BBX: variants seen among roughly 807,000 people sequenced by gnomAD.
The protein encoded by BBX is HMG box transcription factor BBX.
In BBX, 30 loss-of-function variants were observed where a neutral mutation model predicts 100.2. That is an observed-to-expected ratio of 0.30 (90% CI 0.22 to 0.41). The LOEUF is 0.41. BBX is among the 10% of genes least tolerant of loss of function. BBX has a pLI of 1.00. For synonymous variants in BBX, 376 were observed against 388.1 expected (o/e 0.97, Z 0.37); for missense variants, 1,023 against 1,129.8 (o/e 0.91, Z 1.35).
intron 2 of BBX, among the ~76,000 whole-genome samples, chr3:107,589,128 C>A (rs879055886): frequency 6.6e-6 from 1 of 152,042 alleles, no homozygotes; most frequent in Admixed American, 6.6e-5. Flanking sequence ...TGCTGTTCTC[C>A]CATATTTTAA....
chr3:107,534,733 T>A (rs1182682160), intron 2 of BBX, among the ~76,000 whole-genome samples: 1 of 152,240 alleles, frequency 6.6e-6, no homozygotes, highest in Non-Finnish European at 1.5e-5. Flanking sequence ...TATGAAAGTG[T>A]CAGTTAGGAA....
At chr3:107,548,641 TACAC>T (rs1407263176) in intron 2 of BBX, among the ~76,000 whole-genome samples, 1 of 152,224 alleles carries the variant, frequency 6.6e-6, no homozygotes, top group East Asian at 1.9e-4. Context: ...CTACTGGGTA[TACAC>T]ACAAAGAAAA....
At chr3:107,637,884 C>T (rs1314107859) in intron 2 of BBX, among the ~76,000 whole-genome samples, 2 of 152,046 alleles carry the variant, frequency 1.3e-5, no homozygotes, top group African/African-American at 4.8e-5. Context: ...TTTCCTCCTT[C>T]CCTTTACTTT....
chr3:107,635,860 T>C (rs1283265837), intron 2 of BBX, among the ~76,000 whole-genome samples: 2 of 151,946 alleles, frequency 1.3e-5, no homozygotes, highest in African/African-American at 4.8e-5. Flanking sequence ...TACAGGCGCC[T>C]GCCACTACGC....
chr3:107,562,679 T>G (rs540578574), intron 2 of BBX, among the ~76,000 whole-genome samples: 10 of 152,286 alleles, frequency 6.6e-5, no homozygotes, highest in Admixed American at 2.6e-4. Flanking sequence ...CAAAACTGTT[T>G]TTTTTACACT....
rs1048600517 is a variant in BBX, at chr3:107,739,466, A to G, written c.670-5164A>G. Among the ~76,000 whole-genome samples the G allele has an allele frequency of 7.2e-5, 11 of 152,154 alleles. No homozygotes were observed. The South Asian group carries it at 1.9e-3, about 26-fold the overall frequency. On this transcript the variant is annotated intron_variant, in intron 7 of 17. Coordinates refer to ENST00000325805, the MANE Select transcript of BBX (RefSeq NM_001142568.3). ...GGCTGGACCTGCCCATCCAAATCCA[A>G]TGGTAGAACCCAGCCTCTACCATCT...
chr3:107,655,512 T>C (rs1328944247), intron 3 of BBX, among the ~76,000 whole-genome samples: 5 of 10,408 alleles, frequency 4.8e-4, no homozygotes, highest in Non-Finnish European at 2.5e-4. Flanking sequence ...TGATAATTAA[T>C]TTTTTTTTTT....
chr3:107,790,717 C>A (rs905212372), intron 14 of BBX, among the ~76,000 whole-genome samples: 1 of 152,182 alleles, frequency 6.6e-6, no homozygotes, highest in Non-Finnish European at 1.5e-5. Context: ...CCATTTGCAT[C>A]CTACTTGCAT....
intron 10 of BBX, among the ~76,000 whole-genome samples, chr3:107,763,366 A>ACAC (rs2066075709): frequency 6.6e-6 from 1 of 152,084 alleles, no homozygotes; most frequent in African/African-American, 2.4e-5. Flanking sequence ...TTTATCTAGT[A>ACAC]CACCTAATTT....
chr3:107,619,838 T>G (rs1158653135), intron 2 of BBX, among the ~76,000 whole-genome samples: 2 of 152,096 alleles, frequency 1.3e-5, no homozygotes, highest in African/African-American at 4.8e-5. Flanking sequence ...GTAAGGTGTC[T>G]TTTTTCTCTT....
intron 3 of BBX, chr3:107,661,994 G>A (rs2058471289): frequency 1.1e-5 from 9 of 786,898 alleles, no homozygotes; most frequent in Non-Finnish European, 1.4e-5. Context: ...CAGCATAGTT[G>A]GTGGTCCTTT....
At chr3:107,577,701 C>T (rs2051900327) in intron 2 of BBX, among the ~76,000 whole-genome samples, 2 of 152,062 alleles carry the variant, frequency 1.3e-5, no homozygotes, top group African/African-American at 4.8e-5. Flanking sequence ...CTTATTGCTG[C>T]AGTAATCGTA....
At position 107,773,807 on chromosome 3, in the gene BBX, G is replaced by A. The variant is rs1230689750; in HGVS notation, c.1915+171G>A. 1.3e-5 allele frequency among the ~76,000 whole-genome samples: 2 copies of A among 152,222 alleles called. No individual in the cohort carries two copies. The highest frequency in any genetic ancestry group is 2.4e-5 in the African/African-American group (1 of 41,542). Reference sequence around the variant, plus strand: ...TAATTATTTGTTACTTTACTTACATGTTTTCTAGCACCATTAAGGGAAGTG... The same window carrying A: ...TAATTATTTGTTACTTTACTTACATATTTTCTAGCACCATTAAGGGAAGTG... On this transcript the variant is annotated intron_variant, in intron 11 of 17. Transcript: ENST00000325805. The surrounding 1 kb of genome is among the most constrained non-coding windows in gnomAD (Gnocchi z 4.1).
chr3:107,728,530 A>C (rs1161784038), intron 5 of BBX, among the ~76,000 whole-genome samples: 1 of 152,172 alleles, frequency 6.6e-6, no homozygotes, highest in African/African-American at 2.4e-5. Context: ...TTGAGGATTA[A>C]ATAACACAAA....
intron 2 of BBX, among the ~76,000 whole-genome samples, chr3:107,555,184 T>C (rs2050005137): frequency 6.6e-6 from 1 of 152,224 alleles, no homozygotes; most frequent in Non-Finnish European, 1.5e-5. Context: ...GTGTAGTTGC[T>C]CAGTTTCCCA....
chr3:107,696,992 G>T (rs2060654485), intron 3 of BBX, among the ~76,000 whole-genome samples: 1 of 151,714 alleles, frequency 6.6e-6, no homozygotes, highest in South Asian at 2.1e-4. Flanking sequence ...GATCGCATCA[G>T]CTCCTGAGAC....
Position 107,774,827 on chromosome 3 carries a change from A to C in BBX, c.2024A>C (p.Lys675Thr), listed in dbSNP as rs1339265322. Reference protein sequence around the residue: ...SGTSGSKKFKKTKPKEDCLLG... With the variant: ...SGTSGSKKFKTTKPKEDCLLG... ...ACCAGTGGGAGCAAGAAGTTCAAGAAGACAAAGCCAAAAGAAGACTGTCTC... is the reference window on the plus strand; with the variant it reads ...ACCAGTGGGAGCAAGAAGTTCAAGACGACAAAGCCAAAAGAAGACTGTCTC... The change falls in exon 12 of 18, where the codon AAG becomes ACG. Residue 675 changes from lysine to threonine, a missense_variant. Physicochemically the swap from Lys to Thr is moderately conservative, Grantham distance 78. Around this residue, in one of 9 missense-constraint regions of BBX, gnomAD observed 215 missense variants for 211.3 expected, o/e 1.02. Transcript: ENST00000325805. 3 of 1,613,484 alleles carry C rather than the reference A, an allele frequency of 1.9e-6. No homozygotes were observed. The highest frequency in any genetic ancestry group is 3.3e-5 in the Admixed American group (2 of 59,950).
chr3:107,731,790 A>T (rs1403419145), intron 6 of BBX, among the ~76,000 whole-genome samples: 2 of 152,050 alleles, frequency 1.3e-5, no homozygotes, highest in African/African-American at 4.8e-5. Context: ...ACAAAGATGT[A>T]CTTAAGGACA....
chr3:107,755,527 T>A (rs950287850), intron 9 of BBX, 71 bp from the exon 10 acceptor site: 1 of 1,348,536 alleles, frequency 7.4e-7, no homozygotes, highest in African/African-American at 1.4e-5. Context: ...AATTCCTGAA[T>A]GTATATGAAT....
Sources: allele counts gnomAD v4.1 joint callset (sites outside exome capture counted in the v4.1 genomes callset), GRCh38; gene constraint gnomAD v4.1.1; regional missense constraint gnomAD v4.1.1; non-coding constraint Gnocchi (gnomAD v3.1); transcripts MANE v1.5; gene names NCBI Gene and HGNC (gene_info 2026-07-23, HGNC 2026-07-21).